Variants in PGAP1 observed in about 807,000 individuals in gnomAD.
The protein encoded by PGAP1 is post-GPI attachment to proteins inositol deacylase 1.
Under a neutral mutation model 127.0 loss-of-function variants are expected in PGAP1, and 76 were observed. That is an observed-to-expected ratio of 0.60 (90% CI 0.50 to 0.72). The LOEUF is 0.72. Ranked by LOEUF, PGAP1 falls within the 30% of genes least tolerant of loss-of-function variation. The pLI is 0.00. For synonymous variants in PGAP1, 362 were observed against 366.5 expected (o/e 0.99, Z 0.14); for missense variants, 982 against 1,071.3 (o/e 0.92, Z 1.16).
In PGAP1 at chr2:196,864,390, C is replaced by CAAAAA. The variant is rs752788293; in HGVS notation, c.1861+592_1861+596dup. Among the ~76,000 whole-genome samples, 11 of 32,352 alleles carry CAAAAA rather than the reference C, an allele frequency of 3.4e-4. 1 individual carries two copies. Among genetic ancestry groups the CAAAAA allele is most frequent in the South Asian group, 1.6e-3 (1 of 622 alleles). 21.2% of individuals were successfully genotyped at this position (32,352 alleles called of 152,430 possible). The stretch of plus-strand genomic sequence containing the variant: ...GGGCAACAAGAGCAAAACTACGTCT[C>CAAAAA]AAAAAAAAAAAAAAAAAAAAAAAAA... On this transcript the variant is annotated intron_variant, in intron 20 of 26. Coordinates refer to ENST00000354764, the MANE Select transcript of PGAP1 (RefSeq NM_024989.4).
rs1251077015 is a variant in PGAP1, at chr2:196,898,331, G to A, written c.846C>T (p.His282=). The change falls in exon 6 of 27, where the codon CAC becomes CAT. Residue 282 remains histidine, a synonymous_variant. Transcript: ENST00000354764. The part of the protein sequence containing the change: ...AVPKTWVSTD[H]LSIVWCKQLQ... Reference sequence around the variant, plus strand: ...TATTAACTTACCACACAATGGAGAGGTGGTCTGTTGAGACCCAGGTCTTAG... The same window carrying A: ...TATTAACTTACCACACAATGGAGAGATGGTCTGTTGAGACCCAGGTCTTAG... 2 of 1,609,678 alleles carry A rather than the reference G, an allele frequency of 1.2e-6. No homozygotes were observed. Among genetic ancestry groups the A allele is most frequent in the South Asian group, 1.1e-5 (1 of 90,622 alleles).
chr2:196,856,800 T>G (rs1345381011), intron 20 of PGAP1, among the ~76,000 whole-genome samples: 1 of 152,230 alleles, frequency 6.6e-6, no homozygotes, highest in Non-Finnish European at 1.5e-5. Context: ...GGTCATTTGA[T>G]GTATTCAACT....
intron 2 of PGAP1, among the ~76,000 whole-genome samples, chr2:196,917,079 A>G (rs1308586009): frequency 2.0e-5 from 3 of 152,174 alleles, no homozygotes; most frequent in Non-Finnish European, 4.4e-5. Flanking sequence ...ATCTATCCCC[A>G]GTTGAAATTT....
At chr2:196,878,613 A>G (rs1310505575) in intron 13 of PGAP1, among the ~76,000 whole-genome samples, 1 of 152,152 alleles carries the variant, frequency 6.6e-6, no homozygotes, top group African/African-American at 2.4e-5. Flanking sequence ...ATCTTCCCAA[A>G]TAAATGATTT....
chr2:196,890,337 A>G (rs1702058271), intron 10 of PGAP1, among the ~76,000 whole-genome samples: 1 of 152,204 alleles, frequency 6.6e-6, no homozygotes, highest in Non-Finnish European at 1.5e-5. Flanking sequence ...AAAGAAACAC[A>G]AAAATCAAAA....
At chr2:196,920,199 A>G (rs774417763) in intron 1 of PGAP1, 49 bp from the exon 2 acceptor site, 213 of 1,514,226 alleles carry the variant, frequency 1.4e-4, no homozygotes, top group Non-Finnish European at 1.8e-4. Flanking sequence ...TATTAATACA[A>G]TTCAGCCTCA....
At chr2:196,866,652 A>G (rs1304602279) in intron 19 of PGAP1, among the ~76,000 whole-genome samples, 1 of 152,248 alleles carries the variant, frequency 6.6e-6, no homozygotes, top group African/African-American at 2.4e-5. Flanking sequence ...GCTTCTGCAC[A>G]GCAAAAGAAA....
rs1274129972 is a variant in PGAP1, at chr2:196,919,606, A to G, written c.301+391T>C. ...AAATAACTCCAAAAGAAGAAAACGA[A>G]TCTCTCTTGTTCTGCATAACATTAG... is the stretch of plus-strand genomic sequence containing the variant. On this transcript the variant is annotated intron_variant, in intron 2 of 26. Transcript: ENST00000354764. 5.9e-5 allele frequency among the ~76,000 whole-genome samples: 9 copies of G among 152,140 alleles called. 1 individual carries two copies. The highest frequency in any genetic ancestry group is 5.9e-4 in the Admixed American group (9 of 15,276).
Position 196,836,751 on chromosome 2 carries a change from C to G in PGAP1, c.*4483G>C, listed in dbSNP as rs899681478. On this transcript the variant is annotated 3_prime_UTR_variant, in exon 27 of 27. Transcript: ENST00000354764. ...TCAACTTACTATGCTGTAAAAGTCC[C>G]TTCTACATTTACCTTACTAGGAAAG... 1 of 152,084 alleles carries G rather than the reference C, an allele frequency of 6.6e-6. No homozygotes were observed. The highest frequency in any genetic ancestry group is 1.5e-5 in the Non-Finnish European group (1 of 67,998). 9.4% of individuals were successfully genotyped at this position (152,084 alleles called of 1,614,324 possible). A position where few individuals can be genotyped will look rare whatever the true frequency, so the allele number is the denominator to read the frequency against.
In PGAP1 at chr2:196,920,119, C is replaced by T. The variant is rs2125840414; in HGVS notation, c.179G>A (p.Arg60His). The change falls in exon 2 of 27, where the codon CGC (arginine) becomes CAC (histidine). Residue 60 changes from arginine to histidine, a missense_variant. Physicochemically the swap from Arg to His is conservative, Grantham distance 29 (BLOSUM62 0). Transcript: ENST00000354764. Reference protein sequence around the residue: ...KIELPKKLAKRYPAYELYLYG... With the variant: ...KIELPKKLAKHYPAYELYLYG... Reference sequence around the variant, plus strand: ...AAGATACAACTCATATGCGGGATAGCGTTTTGCCAGTTTCTTTGGAAGTTC... The same window carrying T: ...AAGATACAACTCATATGCGGGATAGTGTTTTGCCAGTTTCTTTGGAAGTTC... 6.2e-7 allele frequency: 1 copy of T among 1,607,364 alleles called. No individual in the cohort carries two copies. The highest frequency in any genetic ancestry group is 1.1e-5 in the South Asian group (1 of 88,866).
Position 196,867,459 on chromosome 2 carries a change from A to T in PGAP1, c.1768-2379T>A, listed in dbSNP as rs115154038. Among the ~76,000 whole-genome samples the T allele has an allele frequency of 6.5e-3, 985 of 152,210 alleles. 6 individuals carry two copies. The highest frequency in any genetic ancestry group is 0.022 in the African/African-American group (932 of 41,516). On this transcript the variant is annotated intron_variant, in intron 19 of 26. Transcript: ENST00000354764. ...ATGGACACAGGGAGAAGAACATCAC[A>T]CACCAGGGCCTGTCCAGGGGTGGGC...
chr2:196,842,355 C>T (rs573754745), intron 26 of PGAP1, among the ~76,000 whole-genome samples: 1 of 152,146 alleles, frequency 6.6e-6, no homozygotes, highest in South Asian at 2.1e-4. Flanking sequence ...TTTGAAACTA[C>T]AAAAGTAGAC....
intron 9 of PGAP1, 120 bp from the exon 10 acceptor site, chr2:196,891,031 G>C (rs1046273805): frequency 6.8e-6 from 4 of 584,668 alleles, no homozygotes; most frequent in Non-Finnish European, 1.2e-5. Flanking sequence ...TTGTTGTTGA[G>C]AACCAATTCT....
At chr2:196,841,478 T>C (rs1700411246) in intron 26 of PGAP1, 106 bp from the exon 27 acceptor site, 1 of 830,070 alleles carries the variant, frequency 1.2e-6, no homozygotes, top group Non-Finnish European at 1.8e-6. Flanking sequence ...TCTAAGTGAA[T>C]TTAAATGAAT....
intron 20 of PGAP1, among the ~76,000 whole-genome samples, chr2:196,856,814 T>G (rs1700898015): frequency 6.6e-6 from 1 of 152,258 alleles, no homozygotes; most frequent in Non-Finnish European, 1.5e-5. Flanking sequence ...TTCAACTGGT[T>G]GTGTTTAAGC....
Position 196,838,136 on chromosome 2 carries a change from A to T in PGAP1, c.*3098T>A, listed in dbSNP as rs1318577228. The T allele has an allele frequency of 6.6e-6, 1 of 152,228 alleles. No individual in the cohort carries two copies. The highest frequency in any genetic ancestry group is 1.5e-5 in the Non-Finnish European group (1 of 68,036). The allele number at this position is 152,228 out of a possible 1,614,324, so 9.4% of individuals were successfully genotyped here. A position where few individuals can be genotyped will look rare whatever the true frequency, so the allele number is the denominator to read the frequency against. On this transcript the variant is annotated 3_prime_UTR_variant, in exon 27 of 27. Coordinates refer to ENST00000354764, the MANE Select transcript of PGAP1 (RefSeq NM_024989.4). Reference sequence around the variant, plus strand: ...TCCAAAGGAGGCTTTAGAAATACTAAATGTTCCCAGTGTTTTCCTCTGTAC... The same window carrying T: ...TCCAAAGGAGGCTTTAGAAATACTATATGTTCCCAGTGTTTTCCTCTGTAC...
chr2:196,922,059 T>G, intron 1 of PGAP1: 7 of 955,314 alleles, frequency 7.3e-6, no homozygotes, highest in Non-Finnish European at 9.3e-6. Flanking sequence ...TCTATGTAGT[T>G]TATTTTAAAT....
At position 196,885,433 on chromosome 2, in the gene PGAP1, T is replaced by C; in HGVS notation, c.1263A>G (p.Pro421=). The change falls in exon 12 of 27, where the codon CCA becomes CCG. Residue 421 remains proline, a synonymous_variant. Transcript: ENST00000354764. ...VDLSWKAELL[P]TIKYLTLRLQ... is the part of the protein sequence containing the mutation. ...TGAAGCCATAATTTACCTTAATTGT[T>C]GGCAGCAGTTCAGCTTTCCATGATA... is the stretch of plus-strand genomic sequence containing the variant. 1.2e-6 allele frequency: 2 copies of C among 1,601,652 alleles called. No individual in the cohort carries two copies. The highest frequency in any genetic ancestry group is 1.7e-6 in the Non-Finnish European group (2 of 1,173,206).
At chr2:196,903,560 CAAAAA>C (rs11312715) in intron 4 of PGAP1, among the ~76,000 whole-genome samples, 2 of 79,322 alleles carry the variant, frequency 2.5e-5, no homozygotes, top group Non-Finnish European at 5.3e-5. Context: ...GACTCTGTCT[CAAAAA>C]AAAAAAAAAA....
Sources: allele counts gnomAD v4.1 joint callset (sites outside exome capture counted in the v4.1 genomes callset), GRCh38; gene constraint gnomAD v4.1.1; transcripts MANE v1.5; gene names NCBI Gene and HGNC (gene_info 2026-07-23, HGNC 2026-07-21).